Variants in LRRTM3 observed in about 807,000 individuals in gnomAD.
LRRTM3 encodes leucine rich repeat transmembrane neuronal 3.
LRRTM3 carries 24 observed loss-of-function variants against 44.7 expected under a neutral mutation model. That is an observed-to-expected ratio of 0.54 (90% CI 0.39 to 0.76). The LOEUF (loss-of-function observed/expected upper bound fraction) is 0.76. Ranked by LOEUF, LRRTM3 falls within the 30% of genes least tolerant of loss-of-function variation. The probability of loss-of-function intolerance (pLI) is 0.00; values close to 1 mark genes in which losing one functional copy is unlikely to be tolerated. For synonymous variants in LRRTM3, 277 were observed against 278.7 expected, an observed-to-expected ratio of 0.99 and a Z score of 0.06; for missense variants, 587 against 702.2, an observed-to-expected ratio of 0.84 and a Z score of 1.85.
At chr10:67,083,213 C>T (rs886363928) in intron 2 of LRRTM3, among the ~76,000 whole-genome samples, 1 of 152,112 alleles carries the variant, frequency 6.6e-6, no homozygotes. Context: ...TTGCTAATGT[C>T]CTCAAGTAAA....
Position 66,988,381 on chromosome 10 carries a change from C to G in LRRTM3, c.1536+59929C>G, listed in dbSNP as rs141259328. On this transcript the variant is annotated intron_variant, in intron 2 of 2. Transcript: ENST00000361320. ...GAAATTCATCAAAGCAACATTTAAG[C>G]CAATACAATGATTTTCTAGCTATTA... Among the ~76,000 whole-genome samples the G allele has an allele frequency of 6.0e-3, 912 of 152,182 alleles. 10 individuals carry two copies. The highest frequency in any genetic ancestry group is 0.021 in the African/African-American group (869 of 41,534).
Position 66,927,925 on chromosome 10 carries a change from A to G in LRRTM3, c.1009A>G (p.Thr337Ala), listed in dbSNP as rs201519765. ...LKSFKGLREN[T>A]IICASPKELQ... ...AAGTTTTAAAGGTCTAAGGGAGAAT[A>G]CAATTATCTGTGCCAGTCCCAAAGA... Residue 337 changes from threonine (T) to alanine (A), a missense_variant, in exon 2 of 3, where the codon ACA becomes GCA. Around this residue, in one of 3 missense-constraint regions of LRRTM3, gnomAD observed 315 missense variants for 335.6 expected, o/e 0.94. Coordinates refer to ENST00000361320, the MANE Select transcript of LRRTM3 (RefSeq NM_178011.5). The surrounding 1 kb of genome is among the most constrained non-coding windows in gnomAD (Gnocchi z 4.7). 1 of 1,614,144 alleles carries G rather than the reference A, an allele frequency of 6.2e-7. No homozygotes were observed. Among genetic ancestry groups the G allele is most frequent in the Non-Finnish European group, 8.5e-7 (1 of 1,180,062 alleles).
chr10:66,935,892 A>G (rs950690133), intron 2 of LRRTM3, among the ~76,000 whole-genome samples: 1 of 152,060 alleles, frequency 6.6e-6, no homozygotes, highest in Non-Finnish European at 1.5e-5. Flanking sequence ...GCTCTAAAAT[A>G]ATTTATACCC....
chr10:66,968,783 A>G (rs1849569260), intron 2 of LRRTM3, among the ~76,000 whole-genome samples: 1 of 152,018 alleles, frequency 6.6e-6, no homozygotes, highest in South Asian at 2.1e-4. Flanking sequence ...TTGGGAGGCC[A>G]AGGTGGGCAG....
chr10:67,091,661 A>G (rs943187276), intron 2 of LRRTM3, among the ~76,000 whole-genome samples: 2 of 152,098 alleles, frequency 1.3e-5, no homozygotes, highest in African/African-American at 4.8e-5. Context: ...GAAAAAGGTA[A>G]TGATACTTTG....
At chr10:67,045,677 G>A (rs1335262744) in intron 2 of LRRTM3, among the ~76,000 whole-genome samples, 1 of 152,182 alleles carries the variant, frequency 6.6e-6, no homozygotes, top group African/African-American at 2.4e-5. Context: ...TCCTGGCGCG[G>A]GATGGGGCGG....
intron 2 of LRRTM3, among the ~76,000 whole-genome samples, chr10:66,949,529 T>A (rs1009477671): frequency 8.0e-5 from 12 of 149,198 alleles, no homozygotes; most frequent in Non-Finnish European, 1.5e-5. Flanking sequence ...TTGGACTCCA[T>A]CCTGGGCAAC....
At chr10:67,083,348 G>A (rs1229109017) in intron 2 of LRRTM3, among the ~76,000 whole-genome samples, 1 of 151,698 alleles carries the variant, frequency 6.6e-6, no homozygotes, top group Non-Finnish European at 1.5e-5. Flanking sequence ...GTTCCAATCA[G>A]TTATTCAATG....
intron 2 of LRRTM3, among the ~76,000 whole-genome samples, chr10:67,069,096 G>A (rs1369041565): frequency 6.6e-6 from 1 of 151,652 alleles, no homozygotes; most frequent in Non-Finnish European, 1.5e-5. Flanking sequence ...AACAGAAAAA[G>A]AAAAAGAAGA....
intron 2 of LRRTM3, among the ~76,000 whole-genome samples, chr10:67,035,668 T>C (rs1056442406): frequency 6.6e-6 from 1 of 152,174 alleles, no homozygotes; most frequent in Admixed American, 6.5e-5. Flanking sequence ...CCTCCCTCAG[T>C]ACTCAAAATT....
At chr10:67,038,006 AG>A (rs1239368259) in intron 2 of LRRTM3, among the ~76,000 whole-genome samples, 1 of 152,146 alleles carries the variant, frequency 6.6e-6, no homozygotes, top group Admixed American at 6.5e-5. Context: ...AATTCATGTA[AG>A]CCATAGGAGA....
chr10:66,974,132 C>G (rs1849889527), intron 2 of LRRTM3, among the ~76,000 whole-genome samples: 1 of 152,138 alleles, frequency 6.6e-6, no homozygotes, highest in Non-Finnish European at 1.5e-5. Context: ...TGATCTGTCT[C>G]TATCACCACA....
At chr10:66,991,478 A>C (rs1189445802) in intron 2 of LRRTM3, among the ~76,000 whole-genome samples, 1 of 152,194 alleles carries the variant, frequency 6.6e-6, no homozygotes, top group Non-Finnish European at 1.5e-5. Context: ...AAGTAATTTA[A>C]AAGGGTATAT....
At chr10:67,088,956 G>T (rs918375240) in intron 2 of LRRTM3, among the ~76,000 whole-genome samples, 1 of 151,794 alleles carries the variant, frequency 6.6e-6, no homozygotes, top group African/African-American at 2.4e-5. Context: ...AAATTAATAC[G>T]AATAGAACAA....
At chr10:67,066,139 C>G (rs1055234815) in intron 2 of LRRTM3, among the ~76,000 whole-genome samples, 8 of 151,156 alleles carry the variant, frequency 5.3e-5, no homozygotes, top group African/African-American at 1.2e-4. Context: ...TTTCTCAATA[C>G]CATCACCAGT....
chr10:67,031,753 T>C (rs1339970431), intron 2 of LRRTM3, among the ~76,000 whole-genome samples: 1 of 152,168 alleles, frequency 6.6e-6, no homozygotes, highest in East Asian at 1.9e-4. Flanking sequence ...GTGTTAAAGA[T>C]CTAAGAAATG....
chr10:66,980,369 G>A (rs993762707), intron 2 of LRRTM3, among the ~76,000 whole-genome samples: 19 of 152,258 alleles, frequency 1.2e-4, no homozygotes, highest in Non-Finnish European at 2.1e-4. Context: ...TCTGTTAGCA[G>A]CAAACTATAT....
At chr10:67,051,983 G>A (rs898530907) in intron 2 of LRRTM3, among the ~76,000 whole-genome samples, 2 of 148,516 alleles carry the variant, frequency 1.3e-5, no homozygotes, top group African/African-American at 5.0e-5. Context: ...TCAAACTCCT[G>A]ACCTCAGGTG....
At chr10:66,962,837 T>C (rs1849194435) in intron 2 of LRRTM3, among the ~76,000 whole-genome samples, 1 of 152,254 alleles carries the variant, frequency 6.6e-6, no homozygotes, top group African/African-American at 2.4e-5. Flanking sequence ...CACCATATAA[T>C]ATAGTACTTA....
Sources: allele counts gnomAD v4.1 joint callset (sites outside exome capture counted in the v4.1 genomes callset), GRCh38; gene constraint gnomAD v4.1.1; regional missense constraint gnomAD v4.1.1; non-coding constraint Gnocchi (gnomAD v3.1); transcripts MANE v1.5; gene names NCBI Gene and HGNC (gene_info 2026-07-23, HGNC 2026-07-21).